The following DOK6 variants were observed in gnomAD, a reference collection of about 807,000 sequenced individuals.
DOK6 encodes docking protein 6.
In DOK6, 22 loss-of-function variants were observed where a neutral mutation model predicts 44.0. The observed-to-expected ratio is 0.50, with a 90% CI of 0.36 to 0.71. The LOEUF is 0.71. Ranked by LOEUF, DOK6 falls within the 30% of genes least tolerant of loss-of-function variation. The probability of loss-of-function intolerance (pLI) is 0.00; values close to 1 mark genes in which losing one functional copy is unlikely to be tolerated. For synonymous variants in DOK6, 166 were observed against 145.5 expected, an observed-to-expected ratio of 1.14 and a Z score of -1.01; for missense variants, 340 against 416.4, an observed-to-expected ratio of 0.82 and a Z score of 1.60.
chr18:69,513,935 T>C (rs1981445113), intron 1 of DOK6, among the ~76,000 whole-genome samples: 1 of 152,180 alleles, frequency 6.6e-6, no homozygotes, highest in Non-Finnish European at 1.5e-5. Context: ...ATGTTAGGTA[T>C]CTCGTAAGGT....
intron 7 of DOK6, among the ~76,000 whole-genome samples, chr18:69,769,441 G>A (rs1312119330): frequency 1.6e-4 from 25 of 152,052 alleles, no homozygotes; most frequent in Admixed American, 1.6e-3. Flanking sequence ...AACATCCTGT[G>A]CTTGTATCTG....
chr18:69,809,691 T>C (rs1336531164), intron 7 of DOK6, among the ~76,000 whole-genome samples: 1 of 151,204 alleles, frequency 6.6e-6, no homozygotes, highest in Non-Finnish European at 1.5e-5. Flanking sequence ...TTTTATACAC[T>C]AACAAAAAAA....
At chr18:69,642,563 G>T (rs779617222) in intron 3 of DOK6, among the ~76,000 whole-genome samples, 1 of 152,036 alleles carries the variant, frequency 6.6e-6, no homozygotes, top group Non-Finnish European at 1.5e-5. Flanking sequence ...CTTTGATTTA[G>T]ATTAATTTAT....
chr18:69,469,330 C>A (rs549085028), intron 1 of DOK6, among the ~76,000 whole-genome samples: 1 of 152,102 alleles, frequency 6.6e-6, no homozygotes, highest in Non-Finnish European at 1.5e-5. Flanking sequence ...TTTTTATTCT[C>A]ACCCTTCACT....
At position 69,599,460 on chromosome 18, in the gene DOK6, T is replaced by C. The variant is rs1983822715; in HGVS notation, c.251T>C (p.Phe84Ser). Residue 84 changes from phenylalanine to serine, a missense_variant, in exon 3 of 8, where the codon TTT (phenylalanine) becomes TCT (serine). By Grantham distance (155) the Phe-to-Ser change is radical. Around this residue, in one of 3 missense-constraint regions of DOK6, gnomAD observed 206 missense variants for 258.6 expected, o/e 0.80. Coordinates refer to ENST00000382713, the MANE Select transcript of DOK6 (RefSeq NM_152721.6). Reference sequence around the variant, plus strand: ...AAGAAGCATGCGGTGGCAATCATCTTTCACGATGAAACATCGAAGACATTT... The same window carrying C: ...AAGAAGCATGCGGTGGCAATCATCTCTCACGATGAAACATCGAAGACATTT... ...ETKKHAVAIIFHDETSKTFAC... is the reference protein window; with the variant it reads ...ETKKHAVAIISHDETSKTFAC... 1 of 1,614,040 alleles carries C rather than the reference T, an allele frequency of 6.2e-7. No individual in the cohort carries two copies. Among genetic ancestry groups the C allele is most frequent in the African/African-American group, 1.3e-5 (1 of 75,020 alleles).
At chr18:69,473,980 CAAG>C (rs1382526054) in intron 1 of DOK6, among the ~76,000 whole-genome samples, 2 of 152,180 alleles carry the variant, frequency 1.3e-5, no homozygotes, top group Non-Finnish European at 2.9e-5. Flanking sequence ...TCTGAAAATT[CAAG>C]AAGGTCAGCC....
At chr18:69,493,032 A>G (rs80227862) in intron 1 of DOK6, among the ~76,000 whole-genome samples, 2,465 of 152,098 alleles carry the variant, frequency 0.016, 62 homozygotes, top group African/African-American at 0.056. Context: ...TGCCCTCAAA[A>G]TATTAGCTAT....
At chr18:69,597,091 G>T (rs1983759487) in intron 2 of DOK6, among the ~76,000 whole-genome samples, 1 of 151,840 alleles carries the variant, frequency 6.6e-6, no homozygotes, top group Admixed American at 6.6e-5. Context: ...TTATAAATAT[G>T]ATGTAATGTT....
intron 1 of DOK6, among the ~76,000 whole-genome samples, chr18:69,559,892 T>C (rs928950171): frequency 3.3e-5 from 5 of 152,098 alleles, no homozygotes; most frequent in African/African-American, 1.2e-4. Context: ...TTGTCTCCTA[T>C]GTCTTCTTGT....
chr18:69,418,255 T>G (rs897997071), intron 1 of DOK6, among the ~76,000 whole-genome samples: 3 of 152,150 alleles, frequency 2.0e-5, no homozygotes, highest in African/African-American at 7.2e-5. Context: ...GGGTCCAGTT[T>G]CATTCTTCTG....
chr18:69,675,854 A>G (rs1369477823), intron 3 of DOK6, among the ~76,000 whole-genome samples: 1 of 152,206 alleles, frequency 6.6e-6, no homozygotes, highest in African/African-American at 2.4e-5. Context: ...CGTTCAATAT[A>G]TGCTTTTGTT....
chr18:69,838,420 A>G lies in DOK6; in HGVS notation c.857-2824A>G, dbSNP rs139335441. On this transcript the variant is annotated intron_variant, in intron 7 of 7. Coordinates refer to ENST00000382713, the MANE Select transcript of DOK6 (RefSeq NM_152721.6). ...ACTTTTAAGTGCTTTTTCCCATATCAGCTTAGTGTATCAGAACTTTGTCAT... is the reference window on the plus strand; with the variant it reads ...ACTTTTAAGTGCTTTTTCCCATATCGGCTTAGTGTATCAGAACTTTGTCAT... Among the ~76,000 whole-genome samples, 732 of 152,218 alleles carry G rather than the reference A, an allele frequency of 4.8e-3. 8 individuals carry two copies. Among genetic ancestry groups the G allele is most frequent in the African/African-American group, 0.016 (669 of 41,532 alleles).
chr18:69,648,421 C>CT (rs35206170), intron 3 of DOK6, among the ~76,000 whole-genome samples: 1 of 152,090 alleles, frequency 6.6e-6, no homozygotes, highest in African/African-American at 2.4e-5. Context: ...TGTATTTTAG[C>CT]TTTAGGTACC....
chr18:69,835,543 A>T (rs889055878), intron 7 of DOK6, among the ~76,000 whole-genome samples: 11 of 152,092 alleles, frequency 7.2e-5, no homozygotes, highest in African/African-American at 1.4e-4. Context: ...TGAAATAAAT[A>T]AAAGGGCTCT....
intron 1 of DOK6, among the ~76,000 whole-genome samples, chr18:69,492,034 T>C (rs1487883044): frequency 6.6e-6 from 1 of 152,170 alleles, no homozygotes; most frequent in Non-Finnish European, 1.5e-5. Context: ...CCCAAATCTG[T>C]CTCTTTGCAA....
At chr18:69,694,322 G>A (rs897359751) in intron 4 of DOK6, among the ~76,000 whole-genome samples, 5 of 151,738 alleles carry the variant, frequency 3.3e-5, no homozygotes, top group African/African-American at 4.8e-5. Context: ...GGCCTTCCCT[G>A]GGCATGGTCT....
Position 69,677,790 on chromosome 18 carries a change from C to A in DOK6, c.346C>A (p.Leu116Ile). ...HLCMECLGTR[L>I]NDISLGEPDL... ...CTGCATGGAGTGTCTGGGGACCAGG[C>A]TCAATGATATCAGCCTTGGGGAGCC... Residue 116 changes from leucine (L) to isoleucine (I), a missense_variant, in exon 4 of 8, where the codon CTC becomes ATC. Physicochemically the swap from Leu to Ile is conservative, Grantham distance 5. This residue lies in a region of DOK6 where 206 missense variants were observed against 258.6 expected (regional missense o/e 0.80). Transcript: ENST00000382713. 2 of 1,613,822 alleles carry A rather than the reference C, an allele frequency of 1.2e-6. No individual in the cohort carries two copies. Among genetic ancestry groups the A allele is most frequent in the Non-Finnish European group, 1.7e-6 (2 of 1,179,812 alleles).
At chr18:69,580,799 T>C (rs751383116) in intron 2 of DOK6, among the ~76,000 whole-genome samples, 7 of 152,186 alleles carry the variant, frequency 4.6e-5, no homozygotes, top group Non-Finnish European at 7.4e-5. Flanking sequence ...TGTAATCTTA[T>C]ACCATTTAAA....
chr18:69,576,194 T>C (rs149992062), intron 2 of DOK6, among the ~76,000 whole-genome samples: 1 of 152,182 alleles, frequency 6.6e-6, no homozygotes, highest in East Asian at 1.9e-4. Flanking sequence ...AGATAATTAA[T>C]GGCCAGTCCA....
Sources: allele counts gnomAD v4.1 joint callset (sites outside exome capture counted in the v4.1 genomes callset), GRCh38; gene constraint gnomAD v4.1.1; regional missense constraint gnomAD v4.1.1; transcripts MANE v1.5; gene names NCBI Gene and HGNC (gene_info 2026-07-23, HGNC 2026-07-21).